MTA3: variants seen among roughly 807,000 people sequenced by gnomAD.
MTA3 encodes the protein metastasis-associated protein MTA3.
In MTA3, 34 loss-of-function variants were observed where a neutral mutation model predicts 83.5. That is an observed-to-expected ratio of 0.41 (90% CI 0.31 to 0.54). The LOEUF is 0.54. MTA3 is among the 20% of genes least tolerant of loss of function. The probability of loss-of-function intolerance (pLI) is 0.33; values close to 1 mark genes in which losing one functional copy is unlikely to be tolerated. For missense variants in MTA3, 761 were observed against 726.4 expected (o/e 1.05, Z -0.55); for synonymous variants, 303 against 252.7 (o/e 1.20, Z -1.89).
At chr2:42,682,711 A>G in intron 9 of MTA3, 122 bp downstream of exon 9, 2 of 850,962 alleles carry the variant, frequency 2.4e-6, no homozygotes, top group Non-Finnish European at 3.6e-6. Flanking sequence ...ATCTGCTCAA[A>G]GTAAAATGAA....
intron 2 of MTA3, among the ~76,000 whole-genome samples, chr2:42,545,078 A>G (rs1392133847): frequency 6.6e-6 from 1 of 152,158 alleles, no homozygotes; most frequent in Non-Finnish European, 1.5e-5. Flanking sequence ...TCATGAGACC[A>G]TTAAGATTTT....
intron 14 of MTA3, 24 bp downstream of exon 14, chr2:42,709,120 C>A: frequency 1.3e-6 from 2 of 1,561,566 alleles, no homozygotes; most frequent in South Asian, 2.3e-5. Flanking sequence ...AAATTCTTAA[C>A]CTTATATGTT....
At chr2:42,651,737 G>T (rs910254950) in intron 6 of MTA3, among the ~76,000 whole-genome samples, 2 of 151,452 alleles carry the variant, frequency 1.3e-5, no homozygotes, top group Admixed American at 6.6e-5. Flanking sequence ...GATTGAAGCT[G>T]CAGTGAGCTG....
chr2:42,549,726 A>G (rs1015001907), intron 2 of MTA3, among the ~76,000 whole-genome samples: 3 of 135,164 alleles, frequency 2.2e-5, no homozygotes, highest in African/African-American at 8.3e-5. Flanking sequence ...TAAATTATAT[A>G]TTATATATGT....
chr2:42,662,093 G>A (rs7572190), intron 8 of MTA3, among the ~76,000 whole-genome samples: 112,664 of 151,974 alleles, frequency 0.74, 42,037 homozygotes, highest in South Asian at 0.88. Context: ...AGATCTAGCC[G>A]TGTTAATAAA....
At chr2:42,667,023 T>C (rs1366275239) in intron 8 of MTA3, among the ~76,000 whole-genome samples, 4 of 152,230 alleles carry the variant, frequency 2.6e-5, no homozygotes, top group African/African-American at 9.6e-5. Flanking sequence ...ACACACAGTC[T>C]GAACACTATG....
chr2:42,716,476 CCT>C (rs1294140827), intron 14 of MTA3, among the ~76,000 whole-genome samples: 3 of 152,158 alleles, frequency 2.0e-5, no homozygotes, highest in African/African-American at 7.2e-5. Context: ...TACTGTCCCT[CCT>C]CTCACCCTCC....
At chr2:42,726,196 C>G (rs976398225) in intron 16 of MTA3, among the ~76,000 whole-genome samples, 1 of 152,134 alleles carries the variant, frequency 6.6e-6, no homozygotes, top group African/African-American at 2.4e-5. Context: ...ATGAGCATAC[C>G]AAACAGAGTG....
chr2:42,733,261 G>T (rs558873322), intron 16 of MTA3, among the ~76,000 whole-genome samples: 1 of 152,188 alleles, frequency 6.6e-6, no homozygotes, highest in African/African-American at 2.4e-5. Context: ...GAGGTGAAAG[G>T]CACATCTTAC....
chr2:42,615,913 G>C (rs1684818420), intron 4 of MTA3, among the ~76,000 whole-genome samples: 1 of 150,694 alleles, frequency 6.6e-6, no homozygotes, highest in African/African-American at 2.4e-5. Flanking sequence ...GTAGAGACAG[G>C]GTTTCCCCAT....
At chr2:42,588,395 G>A (rs1680583525) in intron 3 of MTA3, among the ~76,000 whole-genome samples, 1 of 152,108 alleles carries the variant, frequency 6.6e-6, no homozygotes, top group East Asian at 1.9e-4. Context: ...CGAAATCTCT[G>A]CCCTTAGAGC....
intron 1 of MTA3, chr2:42,495,056 A>G (rs1674068174): frequency 6.6e-6 from 1 of 152,624 alleles, no homozygotes; most frequent in Admixed American, 6.5e-5. Context: ...ACTAGAAGAA[A>G]AAAATAAGGG....
intron 2 of MTA3, among the ~76,000 whole-genome samples, chr2:42,541,850 C>T (rs1676528308): frequency 6.6e-6 from 1 of 152,204 alleles, no homozygotes; most frequent in Non-Finnish European, 1.5e-5. Flanking sequence ...ACCACTTCTT[C>T]CCTTCAGTCT....
Position 42,506,089 on chromosome 2 carries a change from C to A in MTA3, c.-141+10835C>A, listed in dbSNP as rs188545178. Among the ~76,000 whole-genome samples the A allele has an allele frequency of 2.3e-3, 348 of 152,126 alleles. 3 individuals are homozygous for A. The highest frequency in any genetic ancestry group is 3.0e-3 in the Non-Finnish European group (202 of 67,990). On this transcript the variant is annotated intron_variant, in intron 2 of 17. Transcript: ENST00000405592. ...CCCCTCAAATTGATAATTATTGAAGCTGGATAATGGGGTTCATTTTATTAA... is the reference window on the plus strand; with the variant it reads ...CCCCTCAAATTGATAATTATTGAAGATGGATAATGGGGTTCATTTTATTAA...
chr2:42,582,810 C>T (rs1558457915), intron 3 of MTA3, among the ~76,000 whole-genome samples: 2 of 152,052 alleles, frequency 1.3e-5, no homozygotes, highest in Non-Finnish European at 1.5e-5. Context: ...GGTATTAACT[C>T]GTAGAAAATA....
rs1387245630 is a variant in MTA3 at position 42,754,708 on chromosome 2, T to C, written c.*1309T>C. The stretch of plus-strand genomic sequence containing the variant: ...ATCTCTGGGGTTACTAGGAGGCAGC[T>C]GGATGGCAGATACGAGAGGCCCAAA... On this transcript the variant is annotated 3_prime_UTR_variant, in exon 17 of 17. Coordinates refer to ENST00000405094, the MANE Select transcript of MTA3 (RefSeq NM_001330442.2). 1 of 985,386 alleles carries C rather than the reference T, an allele frequency of 1.0e-6. No individual in the cohort carries two copies. Among genetic ancestry groups the C allele is most frequent in the African/African-American group, 1.7e-5 (1 of 57,232 alleles). 61.0% of individuals were successfully genotyped at this position (985,386 alleles called of 1,614,324 possible).
At chr2:42,656,147 G>C in intron 6 of MTA3, 53 bp from the exon 7 acceptor site, 1 of 1,316,514 alleles carries the variant, frequency 7.6e-7, no homozygotes, top group Non-Finnish European at 1.1e-6. Context: ...TCAGTGGTAT[G>C]AGACAGTATG....
rs368316211 is a variant in MTA3, at chr2:42,537,446, TC to T, written c.-140-32987del. Among the ~76,000 whole-genome samples the T allele has an allele frequency of 3.6e-3, 546 of 151,866 alleles. 5 individuals carry two copies. Among genetic ancestry groups the T allele is most frequent in the African/African-American group, 0.012 (515 of 41,384 alleles). ...TGGGCATAGTGGTGGGTGCCTGTAA[TC>T]CCCACTACTCGGGAGGCTGAGACAG... On this transcript the variant is annotated intron_variant, in intron 2 of 17. Transcript: ENST00000405592.
chr2:42,657,160 C>T (rs1266593443), intron 7 of MTA3, among the ~76,000 whole-genome samples: 1 of 152,132 alleles, frequency 6.6e-6, no homozygotes, highest in African/African-American at 2.4e-5. Flanking sequence ...CAAAATATTA[C>T]TATGAGTTAG....
Sources: allele counts gnomAD v4.1 joint callset (sites outside exome capture counted in the v4.1 genomes callset), GRCh38; gene constraint gnomAD v4.1.1; transcripts MANE v1.5; gene names NCBI Gene and HGNC (gene_info 2026-07-23, HGNC 2026-07-21).